Variants in XIRP2 observed in about 807,000 individuals in gnomAD.
XIRP2 encodes xin actin-binding repeat-containing protein 2.
XIRP2 carries 236 observed loss-of-function variants against 277.0 expected under a neutral mutation model. That is an observed-to-expected ratio of 0.85 (90% CI 0.77 to 0.95). XIRP2 has a LOEUF of 0.95. Ranked by LOEUF, XIRP2 falls within the 40% of genes least tolerant of loss-of-function variation. The pLI, the probability that XIRP2 is intolerant of heterozygous loss-of-function variation, is 0.00. For missense variants in XIRP2, 4,640 were observed against 4,157.5 expected (o/e 1.12, Z -3.19); for synonymous variants, 1,490 against 1,416.5 (o/e 1.05, Z -1.17).
At chr2:167,206,705 T>C (rs1033753483) in intron 3 of XIRP2, among the ~76,000 whole-genome samples, 1 of 152,196 alleles carries the variant, frequency 6.6e-6, no homozygotes, top group Non-Finnish European at 1.5e-5. Context: ...ATTTAAGCAA[T>C]GTTTAAGCCA....
At chr2:166,978,774 A>T (rs1409060618) in intron 2 of XIRP2, among the ~76,000 whole-genome samples, 1 of 152,144 alleles carries the variant, frequency 6.6e-6, no homozygotes, top group Non-Finnish European at 1.5e-5. Context: ...TGAGCCCAGA[A>T]GTTTGAGACC....
intron 2 of XIRP2, among the ~76,000 whole-genome samples, chr2:167,029,284 C>T (rs892965570): frequency 6.6e-6 from 1 of 152,030 alleles, no homozygotes; most frequent in African/African-American, 2.4e-5. Context: ...TTGTCTTGTG[C>T]CAGTTTTCAA....
intron 3 of XIRP2, among the ~76,000 whole-genome samples, chr2:167,201,467 C>A (rs1223557644): frequency 6.6e-6 from 1 of 152,102 alleles, no homozygotes; most frequent in African/African-American, 2.4e-5. Context: ...CACCTCCCAT[C>A]CCCTGGAGCA....
At chr2:167,112,576 TTATA>T (rs1358557474) in intron 2 of XIRP2, among the ~76,000 whole-genome samples, 2 of 120,600 alleles carry the variant, frequency 1.7e-5, no homozygotes, top group Non-Finnish European at 3.2e-5. Context: ...AGAGATATAT[TTATA>T]TATAATATAT....
At chr2:166,961,711 A>G (rs1686301969) in intron 2 of XIRP2, among the ~76,000 whole-genome samples, 1 of 151,808 alleles carries the variant, frequency 6.6e-6, no homozygotes, top group African/African-American at 2.4e-5. Flanking sequence ...CAGATTGACC[A>G]GATTTTTAAT....
chr2:167,110,333 G>T (rs1019488562), intron 2 of XIRP2, among the ~76,000 whole-genome samples: 2 of 152,174 alleles, frequency 1.3e-5, no homozygotes, highest in African/African-American at 4.8e-5. Context: ...TCCATCTGGA[G>T]TTGATTTTTG....
At chr2:167,133,752 C>G (rs1050022346) in intron 2 of XIRP2, among the ~76,000 whole-genome samples, 1 of 152,110 alleles carries the variant, frequency 6.6e-6, no homozygotes, top group African/African-American at 2.4e-5. Context: ...TGAAACAAAA[C>G]AAGCAAACAT....
intron 2 of XIRP2, among the ~76,000 whole-genome samples, chr2:167,105,918 T>G (rs1690605200): frequency 6.6e-6 from 1 of 151,726 alleles, no homozygotes; most frequent in Admixed American, 6.6e-5. Flanking sequence ...ACGTTGAACA[T>G]CTTTTCATGT....
chr2:167,137,935 A>G (rs1691603497), intron 3 of XIRP2, among the ~76,000 whole-genome samples: 1 of 152,162 alleles, frequency 6.6e-6, no homozygotes, highest in Non-Finnish European at 1.5e-5. Context: ...CTCTGTTGGG[A>G]CAAGAATGAA....
At chr2:166,913,664 A>G (rs1046532376) in intron 2 of XIRP2, among the ~76,000 whole-genome samples, 1 of 152,226 alleles carries the variant, frequency 6.6e-6, no homozygotes, top group African/African-American at 2.4e-5. Flanking sequence ...CCAGATTAAA[A>G]GTGTACTGAC....
chr2:167,032,089 C>G (rs1434088564), intron 2 of XIRP2, among the ~76,000 whole-genome samples: 1 of 152,142 alleles, frequency 6.6e-6, no homozygotes, highest in Non-Finnish European at 1.5e-5. Context: ...CAGTATGGTA[C>G]TGGTACCAAA....
At chr2:166,958,375 G>T (rs1686221304) in intron 2 of XIRP2, among the ~76,000 whole-genome samples, 1 of 151,784 alleles carries the variant, frequency 6.6e-6, no homozygotes, top group African/African-American at 2.4e-5. Context: ...TTTGCTTATA[G>T]ACTTTTAAGT....
intron 3 of XIRP2, among the ~76,000 whole-genome samples, chr2:167,202,921 C>A (rs1693762773): frequency 6.6e-6 from 1 of 152,146 alleles, no homozygotes; most frequent in African/African-American, 2.4e-5. Context: ...CAGAAGCTGC[C>A]TGTATTCCTT....
At chr2:167,078,973 CAG>C (rs776124247) in intron 2 of XIRP2, among the ~76,000 whole-genome samples, 5 of 152,008 alleles carry the variant, frequency 3.3e-5, no homozygotes, top group African/African-American at 7.3e-5. Context: ...TTTGCCTATT[CAG>C]TATTATGTTG....
intron 3 of XIRP2, among the ~76,000 whole-genome samples, chr2:167,185,247 A>T (rs1411256448): frequency 6.6e-6 from 1 of 152,108 alleles, no homozygotes; most frequent in African/African-American, 2.4e-5. Flanking sequence ...TAGATTTAAC[A>T]TTTATTGCTC....
chr2:167,017,933 T>C (rs1687876881), intron 2 of XIRP2, among the ~76,000 whole-genome samples: 1 of 151,990 alleles, frequency 6.6e-6, no homozygotes, highest in Non-Finnish European at 1.5e-5. Context: ...ACTGCGCACT[T>C]GGACATCTCT....
rs531216153 is a variant in XIRP2 at position 167,022,982 on chromosome 2, G to T, written c.409-112927G>T. 2.2e-3 allele frequency among the ~76,000 whole-genome samples: 335 copies of T among 152,218 alleles called. 2 individuals are homozygous for T. The highest frequency in any genetic ancestry group is 7.7e-3 in the African/African-American group (318 of 41,554). ...TGGGTATATACCCAGTAATGGGATG[G>T]CTGGGTCAAATGGTATTTCTAGTTC... On this transcript the variant is annotated intron_variant, in intron 2 of 10. Coordinates refer to ENST00000409195, the MANE Select transcript of XIRP2 (RefSeq NM_152381.6).
At chr2:166,898,368 A>G (rs1684296904) in intron 1 of XIRP2, among the ~76,000 whole-genome samples, 1 of 152,130 alleles carries the variant, frequency 6.6e-6, no homozygotes. Context: ...AACAGAATGC[A>G]TTGCCATCCT....
chr2:167,252,975 A>G (rs1695558988), intron 9 of XIRP2, among the ~76,000 whole-genome samples: 1 of 151,890 alleles, frequency 6.6e-6, no homozygotes, highest in Admixed American at 6.6e-5. Context: ...TAGCTCAAAA[A>G]CACATAGAAC....
Sources: allele counts gnomAD v4.1 joint callset (sites outside exome capture counted in the v4.1 genomes callset), GRCh38; gene constraint gnomAD v4.1.1; transcripts MANE v1.5; gene names NCBI Gene and HGNC (gene_info 2026-07-23, HGNC 2026-07-21).